Variants in SMYD3 observed in about 807,000 individuals in gnomAD.
SMYD3 encodes histone-lysine N-methyltransferase SMYD3.
A neutral mutation model predicts 57.7 loss-of-function variants in SMYD3; 36 were observed. The observed-to-expected ratio is 0.62, with a 90% CI of 0.48 to 0.82. The LOEUF (loss-of-function observed/expected upper bound fraction) is 0.82, where lower values mean the gene tolerates loss of function less well. Among genes scored for constraint, SMYD3 ranks in the 40% least tolerant of loss-of-function variants. SMYD3 has a pLI of 0.00. For missense variants in SMYD3, 515 were observed against 538.8 expected, an observed-to-expected ratio of 0.96 and a Z score of 0.44; for synonymous variants, 211 against 195.0, an observed-to-expected ratio of 1.08 and a Z score of -0.68.
chr1:245,962,423 C>T (rs1310429496), intron 5 of SMYD3, among the ~76,000 whole-genome samples: 3 of 152,164 alleles, frequency 2.0e-5, no homozygotes, highest in Admixed American at 6.5e-5. Flanking sequence ...AACAAGGACA[C>T]GGTTGAGATG....
At chr1:245,829,579 T>C (rs2049714947) in intron 10 of SMYD3, among the ~76,000 whole-genome samples, 1 of 152,210 alleles carries the variant, frequency 6.6e-6, no homozygotes. Flanking sequence ...GAAAGCAGTT[T>C]GGCAGTTCCT....
At chr1:245,828,633 T>C (rs540204198) in intron 10 of SMYD3, among the ~76,000 whole-genome samples, 1 of 152,254 alleles carries the variant, frequency 6.6e-6, no homozygotes, top group East Asian at 1.9e-4. Context: ...CAGTAAGATG[T>C]AAATCTTTGG....
At position 246,061,264 on chromosome 1, in the gene SMYD3, C is replaced by A. The variant is rs574730332; in HGVS notation, c.532-131327G>T. On this transcript the variant is annotated intron_variant, in intron 5 of 11. Coordinates refer to ENST00000490107, the MANE Select transcript of SMYD3 (RefSeq NM_001167740.2). ...AAGAAATGTCTCAAGTGCTTAAATT[C>A]TTGTAAAAATAACTGCAAAAAGATA... Among the ~76,000 whole-genome samples the A allele has an allele frequency of 3.3e-5, 5 of 152,116 alleles. No homozygotes were observed. The South Asian group carries it at 8.3e-4, about 25-fold the overall frequency.
chr1:245,759,302 T>TC (rs1055091564), intron 11 of SMYD3, among the ~76,000 whole-genome samples: 14 of 151,980 alleles, frequency 9.2e-5, no homozygotes, highest in Admixed American at 2.6e-4. Context: ...GCCCTCTTAC[T>TC]CCCCCTCTTT....
chr1:245,838,395 G>A (rs546534479), intron 10 of SMYD3, among the ~76,000 whole-genome samples: 39 of 152,310 alleles, frequency 2.6e-4, no homozygotes, highest in African/African-American at 9.4e-4. Flanking sequence ...CACCCTGCGG[G>A]GGATGAGGAG....
At chr1:246,266,783 GAA>G (rs1448402702) in intron 5 of SMYD3, among the ~76,000 whole-genome samples, 2 of 146,246 alleles carry the variant, frequency 1.4e-5, no homozygotes, top group East Asian at 2.4e-4. Context: ...AAGAAAGACA[GAA>G]AGAAAGAGAG....
intron 8 of SMYD3, among the ~76,000 whole-genome samples, chr1:245,891,994 C>T (rs544659979): frequency 6.6e-6 from 1 of 152,288 alleles, no homozygotes; most frequent in Non-Finnish European, 1.5e-5. Context: ...GAACACACCA[C>T]TGCACTTCAG....
chr1:246,247,463 C>CTA lies in SMYD3; in HGVS notation c.531+79737_531+79738insTA, dbSNP rs756945643. Among the ~76,000 whole-genome samples, 23 of 105,336 alleles carry CTA rather than the reference C, an allele frequency of 2.2e-4. 1 individual carries two copies. In the East Asian group the frequency reaches 3.1e-3, roughly 14 times the overall value. The allele number at this position is 105,336 out of a possible 152,430, so 69.1% of individuals were successfully genotyped here. A position where few individuals can be genotyped will look rare whatever the true frequency, so the allele number is the denominator to read the frequency against. On this transcript the variant is annotated intron_variant, in intron 5 of 11. Coordinates refer to ENST00000490107, the MANE Select transcript of SMYD3 (RefSeq NM_001167740.2). Reference sequence around the variant, plus strand: ...AGGATAACTCTCTCTCTCTCTCTCTCTCTATATATATATATATATATATTT... The same window carrying CTA: ...AGGATAACTCTCTCTCTCTCTCTCTCTATCTATATATATATATATATATATTT...
At chr1:246,435,487 T>C (rs1264247851) in intron 1 of SMYD3, among the ~76,000 whole-genome samples, 1 of 151,962 alleles carries the variant, frequency 6.6e-6, no homozygotes, top group African/African-American at 2.4e-5. Flanking sequence ...AAGTGAAAAC[T>C]TTATATTCAG....
intron 9 of SMYD3, among the ~76,000 whole-genome samples, chr1:245,861,623 T>C (rs1352856918): frequency 6.6e-6 from 1 of 152,180 alleles, no homozygotes; most frequent in Non-Finnish European, 1.5e-5. Context: ...TCAGTAGCAA[T>C]GCATGTTCTG....
At chr1:246,419,256 G>C (rs532481806) in intron 1 of SMYD3, among the ~76,000 whole-genome samples, 165 of 152,254 alleles carry the variant, frequency 1.1e-3, no homozygotes, top group African/African-American at 3.9e-3. Flanking sequence ...ACCCTTTGCT[G>C]ACTCTCTTTT....
intron 9 of SMYD3, 50 bp downstream of exon 9, chr1:245,863,749 A>G (rs1326008138): frequency 1.9e-6 from 3 of 1,560,258 alleles, no homozygotes; most frequent in Admixed American, 3.3e-5. Context: ...CTTCAAGAAA[A>G]CAAGGAAACA....
At chr1:246,393,419 C>T (rs898314977) in intron 1 of SMYD3, among the ~76,000 whole-genome samples, 1 of 151,972 alleles carries the variant, frequency 6.6e-6, no homozygotes, top group African/African-American at 2.4e-5. Flanking sequence ...AGCTCATTTT[C>T]AAAAAGGACT....
At chr1:246,336,219 A>G (rs2065542329) in intron 2 of SMYD3, among the ~76,000 whole-genome samples, 1 of 152,220 alleles carries the variant, frequency 6.6e-6, no homozygotes, top group Non-Finnish European at 1.5e-5. Flanking sequence ...AGGGAAGGAC[A>G]CTATCCTTGA....
chr1:245,823,588 A>G (rs1558389349), intron 10 of SMYD3, among the ~76,000 whole-genome samples: 1 of 152,248 alleles, frequency 6.6e-6, no homozygotes, highest in Non-Finnish European at 1.5e-5. Flanking sequence ...CAATATTCAC[A>G]GATACTCATT....
chr1:246,282,322 A>G (rs77735218), intron 5 of SMYD3, among the ~76,000 whole-genome samples: 70 of 93,272 alleles, frequency 7.5e-4, no homozygotes, highest in East Asian at 3.4e-3. Context: ...AAAAAAAAAA[A>G]AAAAAAAAAA....
chr1:246,000,581 C>A (rs1207552835), intron 5 of SMYD3, among the ~76,000 whole-genome samples: 1 of 152,162 alleles, frequency 6.6e-6, no homozygotes. Flanking sequence ...TTGGACCACA[C>A]AGGACTTCTC....
At chr1:246,422,833 G>GTCTT (rs748889089) in intron 1 of SMYD3, among the ~76,000 whole-genome samples, 1 of 151,882 alleles carries the variant, frequency 6.6e-6, no homozygotes, top group Non-Finnish European at 1.5e-5. Context: ...ATGAACTGAA[G>GTCTT]TCTTTCTTTC....
At chr1:246,463,661 CAAAAAAA>C (rs35482116) in intron 1 of SMYD3, among the ~76,000 whole-genome samples, 1 of 73,126 alleles carries the variant, frequency 1.4e-5, no homozygotes, top group Non-Finnish European at 2.4e-5. Flanking sequence ...ACTAAAAATA[CAAAAAAA>C]AAAAAAAAAA....
Sources: allele counts gnomAD v4.1 joint callset (sites outside exome capture counted in the v4.1 genomes callset), GRCh38; gene constraint gnomAD v4.1.1; transcripts MANE v1.5; gene names NCBI Gene and HGNC (gene_info 2026-07-23, HGNC 2026-07-21).